Variants in ORC1 observed in about 807,000 individuals in gnomAD.
The protein encoded by ORC1 is origin recognition complex subunit 1.
ORC1 carries 61 observed loss-of-function variants against 98.9 expected under a neutral mutation model. The ratio of observed to expected loss-of-function variants is 0.62; its 90% CI spans 0.50 to 0.76. The LOEUF (loss-of-function observed/expected upper bound fraction) is 0.76, where lower values mean the gene tolerates loss of function less well. Among genes scored for constraint, ORC1 ranks in the 30% least tolerant of loss-of-function variants. The probability of loss-of-function intolerance (pLI) is 0.00; values close to 1 mark genes in which losing one functional copy is unlikely to be tolerated. For missense variants in ORC1, 979 were observed against 1,072.2 expected, an observed-to-expected ratio of 0.91 and a Z score of 1.21; for synonymous variants, 385 against 406.9, an observed-to-expected ratio of 0.95 and a Z score of 0.65.
upstream of ORC1, chr1:52,408,676 A>G (rs780116477): frequency 3.7e-6 from 6 of 1,614,104 alleles, no homozygotes; most frequent in African/African-American, 2.7e-5. Context: ...ATCAAGAGCC[A>G]GAACCGAAAT....
intron 16 of ORC1, 43 bp downstream of exon 16, chr1:52,374,767 T>TA (rs1557566673): frequency 7.4e-7 from 1 of 1,357,940 alleles, no homozygotes; most frequent in South Asian, 1.2e-5. Context: ...TTTAAAAGCG[T>TA]AAGTCCAAAA....
Position 52,393,732 on chromosome 1 carries a change from T to C in ORC1, c.793A>G (p.Lys265Glu). 2 of 1,614,096 alleles carry C rather than the reference T, an allele frequency of 1.2e-6. No homozygotes were observed. Among genetic ancestry groups the C allele is most frequent in the Non-Finnish European group, 1.7e-6 (2 of 1,180,008 alleles). The change falls in exon 6 of 17, where the codon AAA becomes GAA. Residue 265 changes from lysine to glutamate, a missense_variant. Transcript: ENST00000371568. ...GAGGTGATCTCCGAGAAGGCCACTTTCCGTTTTATTCTTCCTGGAGAATCC... is the reference window on the plus strand; with the variant it reads ...GAGGTGATCTCCGAGAAGGCCACTTCCCGTTTTATTCTTCCTGGAGAATCC... ...SLDSPGRIKRKVAFSEITSPS... is the reference protein window; with the variant it reads ...SLDSPGRIKREVAFSEITSPS...
upstream of ORC1, among the ~76,000 whole-genome samples, chr1:52,406,795 C>A (rs1648009773): frequency 6.6e-6 from 1 of 152,222 alleles, no homozygotes; most frequent in African/African-American, 2.4e-5. Flanking sequence ...CAACAACCTT[C>A]TAAACTTTTA....
Position 52,372,841 on chromosome 1 carries a change from A to G in ORC1, c.*340T>C. On this transcript the variant is annotated 3_prime_UTR_variant, in exon 17 of 17. Transcript: ENST00000371568. ...ACTTCACAAACACTCAGGAAAAAGC[A>G]AATTATTTAATGGAAAATTCCAAAA... The G allele has an allele frequency of 3.0e-6, 1 of 332,126 alleles. No homozygotes were observed. The highest frequency in any genetic ancestry group is 5.8e-6 in the Non-Finnish European group (1 of 171,446). The allele number at this position is 332,126 out of a possible 1,614,324, so 20.6% of individuals were successfully genotyped here.
chr1:52,375,506 G>T lies in ORC1; in HGVS notation c.2227C>A (p.Pro743Thr), dbSNP rs1159559179. Residue 743 changes from proline (P) to threonine (T), a missense_variant, in exon 15 of 17, where the codon CCT becomes ACT. Physicochemically the swap from Pro to Thr is conservative, Grantham distance 38. Transcript: ENST00000371568. The part of the protein sequence containing the change: ...CEFSQQKPDS[P>T]GLVTIAHSME... ...GAGTGGGCTATGGTGACCAGGCCAGGGGAGTCAGGCTTCTGCTGGGAGAAC... is the reference window on the plus strand; with the variant it reads ...GAGTGGGCTATGGTGACCAGGCCAGTGGAGTCAGGCTTCTGCTGGGAGAAC... The T allele has an allele frequency of 1.9e-6, 3 of 1,614,118 alleles. No individual in the cohort carries two copies. Among genetic ancestry groups the T allele is most frequent in the Non-Finnish European group, 2.5e-6 (3 of 1,179,982 alleles).
intron 14 of ORC1, among the ~76,000 whole-genome samples, chr1:52,379,386 G>A (rs1337921892): frequency 2.0e-5 from 3 of 151,632 alleles, no homozygotes; most frequent in Non-Finnish European, 4.4e-5. Flanking sequence ...TGGGAATACA[G>A]GCTCGTGCCA....
intron 8 of ORC1, 128 bp from the exon 9 acceptor site, chr1:52,386,077 C>G: frequency 1.3e-6 from 1 of 741,210 alleles, no homozygotes; most frequent in Non-Finnish European, 2.4e-6. Flanking sequence ...TAGTTCCTTC[C>G]TGGATAAAGG....
rs760043916 is a variant in ORC1, at chr1:52,393,563, C to T, written c.962G>A (p.Arg321Gln). 6.8e-6 allele frequency: 11 copies of T among 1,614,140 alleles called. No homozygotes were observed. The East Asian group carries it at 8.9e-5, about 13-fold the overall frequency. ...SPEHRIILRT[R>Q]IAASKTIDIR... ...GTCTATGGTTTTCGAAGCTGCAATT[C>T]GGGTTCTCAGGATTATGCGATGTTC... is the stretch of plus-strand genomic sequence containing the variant. Residue 321 changes from arginine to glutamine, a missense_variant, in exon 6 of 17, where the codon CGA (arginine) becomes CAA (glutamine). Physicochemically the swap from Arg to Gln is conservative, Grantham distance 43. Coordinates refer to ENST00000371568, the MANE Select transcript of ORC1 (RefSeq NM_004153.4).
rs909560688 is a variant in ORC1, at chr1:52,373,111, G to A, written c.*70C>T. 24 of 1,507,252 alleles carry A rather than the reference G, an allele frequency of 1.6e-5. No homozygotes were observed. Among genetic ancestry groups the A allele is most frequent in the Admixed American group, 1.2e-4 (7 of 59,834 alleles). The allele number at this position is 1,507,252 out of a possible 1,614,324, so 93.4% of individuals were successfully genotyped here. On this transcript the variant is annotated 3_prime_UTR_variant, in exon 17 of 17. Coordinates refer to ENST00000371568, the MANE Select transcript of ORC1 (RefSeq NM_004153.4). ...CGTGCCACTGCACTCCAGCCTGGGC[G>A]ACAGAGCAAGACCCTGTCTCAAAAA...
chr1:52,391,029 G>A (rs900028325), intron 6 of ORC1, among the ~76,000 whole-genome samples: 6 of 151,816 alleles, frequency 4.0e-5, no homozygotes, highest in South Asian at 2.1e-4. Flanking sequence ...AGAAGATAAC[G>A]GGCAGGCGCA....
chr1:52,404,607 A>G (rs2147951866), upstream of ORC1: 4 of 823,430 alleles, frequency 4.9e-6, no homozygotes, highest in Admixed American at 2.9e-5. Flanking sequence ...CCTTTACACT[A>G]CGGTGTTTCC....
chr1:52,386,031 G>A (rs1647139292), intron 8 of ORC1, 82 bp from the exon 9 acceptor site: 2 of 1,024,736 alleles, frequency 2.0e-6, no homozygotes, highest in African/African-American at 3.2e-5. Flanking sequence ...GATTTGTGCT[G>A]ATCTGATAAA....
chr1:52,397,139 T>C (rs1310778260), intron 4 of ORC1, among the ~76,000 whole-genome samples: 1 of 152,180 alleles, frequency 6.6e-6, no homozygotes, highest in Non-Finnish European at 1.5e-5. Flanking sequence ...TAACGCTCAA[T>C]GAACCACATA....
intron 2 of ORC1, 122 bp from the exon 3 acceptor site, chr1:52,401,611 A>G (rs1246545016): frequency 2.6e-6 from 3 of 1,170,916 alleles, no homozygotes; most frequent in Non-Finnish European, 3.8e-6. Context: ...CAACTCTCCT[A>G]CTGGGAAACC....
At chr1:52,399,637 A>G (rs904259997) in intron 3 of ORC1, among the ~76,000 whole-genome samples, 9 of 149,174 alleles carry the variant, frequency 6.0e-5, no homozygotes, top group Non-Finnish European at 1.2e-4. Context: ...AAAAAAAAAA[A>G]AAAAAAGAAA....
rs754040371 is a variant in ORC1 at position 52,383,531 on chromosome 1, G to A, written c.1902C>T (p.Tyr634=). ...TATGAGTGGGCCAGTCAAAGAGATTGTACATTATGTCTTGTTTGTGAGTCC... is the reference window on the plus strand; with the variant it reads ...TATGAGTGGGCCAGTCAAAGAGATTATACATTATGTCTTGTTTGTGAGTCC... The part of the protein sequence containing the change: ...LLWTHKQDIM[Y]NLFDWPTHKE... The change falls in exon 13 of 17, where the codon TAC becomes TAT. Residue 634 remains tyrosine (Y), a synonymous_variant. Transcript: ENST00000371568. 4 of 1,614,046 alleles carry A rather than the reference G, an allele frequency of 2.5e-6. No individual in the cohort carries two copies. Among genetic ancestry groups the A allele is most frequent in the East Asian group, 2.2e-5 (1 of 44,886 alleles).
intron 7 of ORC1, 53 bp downstream of exon 7, chr1:52,389,164 T>C (rs769936445): frequency 5.6e-5 from 73 of 1,301,986 alleles, no homozygotes; most frequent in Non-Finnish European, 7.7e-5. Context: ...GATAAGATTA[T>C]AGATATCAGA....
chr1:52,399,962 A>G (rs75434836), intron 3 of ORC1, among the ~76,000 whole-genome samples: 13,224 of 152,256 alleles, frequency 0.087, 725 homozygotes, highest in East Asian at 0.2. Flanking sequence ...AAGAACACTC[A>G]TTAGTGCCTC....
upstream of ORC1, chr1:52,408,814 C>T: frequency 8.1e-7 from 1 of 1,235,530 alleles, no homozygotes; most frequent in Admixed American, 2.2e-5. Context: ...GTTACTGTCT[C>T]TATGCAGGTT....
Sources: gnomAD v4.1 joint callset for allele counts (sites outside exome capture counted in the v4.1 genomes callset) on GRCh38, gnomAD v4.1.1 for gene constraint, MANE v1.5 for transcripts, NCBI Gene and HGNC (gene_info 2026-07-23, HGNC 2026-07-21) for gene names.